The following USP14 variants were observed in gnomAD, a reference collection of about 807,000 sequenced individuals.
USP14 encodes the protein ubiquitin specific peptidase 14, also known as ubiquitin carboxyl-terminal hydrolase 14.
Under a neutral mutation model 76.5 loss-of-function variants are expected in USP14, and 38 were observed. The ratio of observed to expected loss-of-function variants is 0.50; its 90% confidence interval spans 0.38 to 0.65. USP14 has a LOEUF of 0.65. USP14 is among the 30% of genes least tolerant of loss of function. The pLI is 0.00. For synonymous variants in USP14, 192 were observed against 191.7 expected, an observed-to-expected ratio of 1.00 and a Z score of -0.01; for missense variants, 467 against 586.5, an observed-to-expected ratio of 0.80 and a Z score of 2.10.
At chr18:208,302 T>C (rs965852544) in intron 13 of USP14, among the ~76,000 whole-genome samples, 3 of 152,150 alleles carry the variant, frequency 2.0e-5, no homozygotes, top group Admixed American at 2.0e-4. Context: ...GTTTCTAGTA[T>C]TTATTACCCT....
intron 5 of USP14, 116 bp downstream of exon 5, chr18:180,455 G>T: frequency 1.5e-6 from 1 of 661,432 alleles, no homozygotes; most frequent in Non-Finnish European, 2.5e-6. Context: ...ATACAATTCA[G>T]CATTTTAAAG....
chr18:174,601 T>TTTTC (rs1203859611), intron 3 of USP14, among the ~76,000 whole-genome samples: 2 of 138,468 alleles, frequency 1.4e-5, no homozygotes, highest in African/African-American at 5.2e-5. Flanking sequence ...TAAGTGGTAC[T>TTTTC]TTTCTTTCTT....
chr18:212,722 T>G lies in USP14; in HGVS notation c.*1438T>G, dbSNP rs1232656055. 1.3e-5 allele frequency: 2 copies of G among 152,244 alleles called. No homozygotes were observed. Among genetic ancestry groups the G allele is most frequent in the African/African-American group, 2.4e-5 (1 of 41,470 alleles). The allele number at this position is 152,244 out of a possible 1,614,324, so 9.4% of individuals were successfully genotyped here. A position where few individuals can be genotyped will look rare whatever the true frequency, so the allele number is the denominator to read the frequency against. On this transcript the variant is annotated 3_prime_UTR_variant, in exon 16 of 16. Coordinates refer to ENST00000261601, the MANE Select transcript of USP14 (RefSeq NM_005151.4). ...TTCAATATGATAGGCTTCTTACATT[T>G]TAATAGTTACTCATCTTTGTTCCAG...
At position 214,412 on chromosome 18, in the gene USP14, C is replaced by T; in HGVS notation, c.*3128C>T. On this transcript the variant is annotated 3_prime_UTR_variant, in exon 16 of 16. Coordinates refer to ENST00000261601, the MANE Select transcript of USP14 (RefSeq NM_005151.4). Reference sequence around the variant, plus strand: ...TTAACAAAAAAATATATTTTGTGATCTTGAGGTCACTTCGTTTAGGTCATT... The same window carrying T: ...TTAACAAAAAAATATATTTTGTGATTTTGAGGTCACTTCGTTTAGGTCATT... 2.0e-6 allele frequency: 1 copy of T among 489,224 alleles called. No homozygotes were observed. Among genetic ancestry groups the T allele is most frequent in the East Asian group, 3.2e-5 (1 of 30,942 alleles). 30.3% of individuals were successfully genotyped at this position (489,224 alleles called of 1,614,324 possible). A position where few individuals can be genotyped will look rare whatever the true frequency, so the allele number is the denominator to read the frequency against.
chr18:167,934 C>CTTT lies in USP14; in HGVS notation c.195+1133_195+1135dup, dbSNP rs34207469. ...GTAAAAATACAATTGATTTTTCTCT[C>CTTT]TTTTTTTTTTTTTTTTTTTTGAGAC... On this transcript the variant is annotated intron_variant, in intron 3 of 15. Transcript: ENST00000261601. Among the ~76,000 whole-genome samples, 340 of 116,072 alleles carry CTTT rather than the reference C, an allele frequency of 2.9e-3. 1 individual carries two copies. The highest frequency in any genetic ancestry group is 4.4e-3 in the Non-Finnish European group (248 of 56,746). The allele number at this position is 116,072 out of a possible 152,430, so 76.1% of individuals were successfully genotyped here.
intron 1 of USP14, among the ~76,000 whole-genome samples, chr18:162,028 C>T (rs1333314606): frequency 6.6e-6 from 1 of 152,190 alleles, no homozygotes; most frequent in African/African-American, 2.4e-5. Flanking sequence ...CTTTAGGTAT[C>T]TCATATAACC....
At chr18:203,432 C>T (rs759004066) in intron 12 of USP14, among the ~76,000 whole-genome samples, 68 of 151,342 alleles carry the variant, frequency 4.5e-4, no homozygotes, top group East Asian at 2.2e-3. Context: ...GGTAGGTCTT[C>T]GGTGGGGCCT....
Position 192,917 on chromosome 18 carries a change from T to C in USP14, c.463+17T>C. On this transcript the variant is annotated intron_variant, in intron 6 of 15. Transcript: ENST00000261601. ...TTACTGCAGGTTTGTATACTAAATATACTACTTTTTGATAGGAGTAAGACA... is the reference window on the plus strand; with the variant it reads ...TTACTGCAGGTTTGTATACTAAATACACTACTTTTTGATAGGAGTAAGACA... The C allele has an allele frequency of 6.2e-7, 1 of 1,605,562 alleles. No individual in the cohort carries two copies. The highest frequency in any genetic ancestry group is 8.5e-7 in the Non-Finnish European group (1 of 1,175,052).
At chr18:170,977 G>C (rs989799784) in intron 3 of USP14, among the ~76,000 whole-genome samples, 3 of 132,986 alleles carry the variant, frequency 2.3e-5, no homozygotes. Flanking sequence ...TGTGTAACAA[G>C]CATGCACATC....
chr18:174,929 C>G (rs1909585881), intron 3 of USP14, among the ~76,000 whole-genome samples: 1 of 152,048 alleles, frequency 6.6e-6, no homozygotes, highest in South Asian at 2.1e-4. Context: ...GAATGTGCCA[C>G]CACGCCGGAC....
In USP14 at chr18:199,318, T is replaced by G; in HGVS notation, c.876+2T>G. ...TATCTTTTTACAGGACTTAAATTGGTAAGGACAATCTCAGTCCATCCTTGT... is the reference window on the plus strand; with the variant it reads ...TATCTTTTTACAGGACTTAAATTGGGAAGGACAATCTCAGTCCATCCTTGT... On this transcript the variant is annotated splice_donor_variant, in intron 10 of 15. Transcript: ENST00000261601. LOFTEE classifies it high-confidence loss of function. The G allele has an allele frequency of 6.3e-7, 1 of 1,592,014 alleles. No individual in the cohort carries two copies. The highest frequency in any genetic ancestry group is 8.6e-7 in the Non-Finnish European group (1 of 1,160,446).
intron 5 of USP14, among the ~76,000 whole-genome samples, chr18:189,543 C>T (rs1353218136): frequency 6.6e-6 from 1 of 151,848 alleles, no homozygotes; most frequent in Non-Finnish European, 1.5e-5. Flanking sequence ...AGTGCAGTGG[C>T]ACAATCTCGG....
Position 178,966 on chromosome 18 carries a change from G to A in USP14, c.229G>A (p.Ala77Thr). ...TCTACTAATGATGGGGTCAGCAGAT[G>A]CTCTTCCAGAAGAACCCTCAGCCAA... ...MTLLMMGSAD[A>T]LPEEPSAKTV... is the part of the protein sequence containing the mutation. Residue 77 changes from alanine to threonine, a missense_variant, in exon 4 of 16, where the codon GCT becomes ACT. Ala to Thr is a moderately conservative substitution (Grantham distance 58, BLOSUM62 0). Coordinates refer to ENST00000261601, the MANE Select transcript of USP14 (RefSeq NM_005151.4). 2 of 1,613,184 alleles carry A rather than the reference G, an allele frequency of 1.2e-6. No homozygotes were observed. The highest frequency in any genetic ancestry group is 1.7e-4 in the Middle Eastern group (1 of 6,056).
At chr18:184,876 A>G (rs1190962201) in intron 5 of USP14, among the ~76,000 whole-genome samples, 1 of 152,252 alleles carries the variant, frequency 6.6e-6, no homozygotes, top group Admixed American at 6.5e-5. Context: ...AGTAAGGATC[A>G]AGAACTATAG....
chr18:180,227 TCC>T lies in USP14; in HGVS notation c.301-8_301-7del. The T allele has an allele frequency of 7.2e-7, 1 of 1,393,786 alleles. No homozygotes were observed. The highest frequency in any genetic ancestry group is 9.7e-7 in the Non-Finnish European group (1 of 1,034,002). The allele number at this position is 1,393,786 out of a possible 1,614,324, so 86.3% of individuals were successfully genotyped here. On this transcript the variant is annotated splice_region_variant and splice_polypyrimidine_tract_variant and intron_variant, in intron 4 of 15. Coordinates refer to ENST00000261601, the MANE Select transcript of USP14 (RefSeq NM_005151.4). ...GATTTAATCCTTTTTTTTTTTTTTTTCCAACTAGATGGAGTTACCATGTGGAT... is the reference window on the plus strand; with the variant it reads ...GATTTAATCCTTTTTTTTTTTTTTTTAACTAGATGGAGTTACCATGTGGAT...
At position 210,367 on chromosome 18, in the gene USP14, G is replaced by T; in HGVS notation, c.1226-19G>T. On this transcript the variant is annotated intron_variant, in intron 14 of 15. Transcript: ENST00000261601. ...GTCTATTCATTGTCTAATATTAATG[G>T]ATTTACATCTTTCTTTAGATATTGG... The T allele has an allele frequency of 6.5e-7, 1 of 1,542,330 alleles. No individual in the cohort carries two copies. Among genetic ancestry groups the T allele is most frequent in the East Asian group, 2.3e-5 (1 of 44,170 alleles).
chr18:188,653 A>G (rs942009763), intron 5 of USP14, among the ~76,000 whole-genome samples: 2 of 151,392 alleles, frequency 1.3e-5, no homozygotes, highest in African/African-American at 4.9e-5. Flanking sequence ...AATTGTCTGC[A>G]CTCAGCTTTT....
intron 10 of USP14, 53 bp from the exon 11 acceptor site, chr18:202,827 A>C: frequency 6.3e-7 from 1 of 1,580,200 alleles, no homozygotes; most frequent in African/African-American, 1.3e-5. Context: ...TCTATATTGC[A>C]GAAATAAAAT....
chr18:197,985 T>C, intron 8 of USP14, 62 bp from the exon 9 acceptor site: 2 of 1,408,310 alleles, frequency 1.4e-6, no homozygotes, highest in South Asian at 2.7e-5. Flanking sequence ...AACTGGATTG[T>C]GTGGAAGAAA....
Sources: gnomAD v4.1 joint callset for allele counts (sites outside exome capture counted in the v4.1 genomes callset) on GRCh38, gnomAD v4.1.1 for gene constraint, MANE v1.5 for transcripts, NCBI Gene and HGNC (gene_info 2026-07-23, HGNC 2026-07-21) for gene names.